Variants in HOOK3 observed in about 807,000 individuals in gnomAD.
HOOK3 encodes the protein protein Hook homolog 3.
In HOOK3, 24 loss-of-function variants were observed where a neutral mutation model predicts 116.3. That is an observed-to-expected ratio of 0.21 (90% confidence interval 0.15 to 0.29). The LOEUF (loss-of-function observed/expected upper bound fraction) is 0.29, where lower values mean the gene tolerates loss of function less well. HOOK3 is among the 10% of genes least tolerant of loss of function. HOOK3 has a pLI of 1.00. For missense variants in HOOK3, 632 were observed against 830.2 expected, an observed-to-expected ratio of 0.76 and a Z score of 2.93; for synonymous variants, 275 against 283.0, an observed-to-expected ratio of 0.97 and a Z score of 0.28.
rs989217114 is a variant in HOOK3, at chr8:42,969,817, ATTTCT to A, written c.1122+1607_1122+1611del. Among the ~76,000 whole-genome samples, 27 of 152,158 alleles carry A rather than the reference ATTTCT, an allele frequency of 1.8e-4. 1 individual carries two copies. Among genetic ancestry groups the A allele is most frequent in the African/African-American group, 6.3e-4 (26 of 41,524 alleles). ...TTTTACCCACTTAAAAAATTGAATC[ATTTCT>A]TTTACTGATTTCTAAAGGTTGTTTA... On this transcript the variant is annotated intron_variant, in intron 11 of 21. Transcript: ENST00000307602.
intron 18 of HOOK3, among the ~76,000 whole-genome samples, chr8:43,009,933 G>T (rs1042798729): frequency 1.3e-5 from 2 of 151,776 alleles, no homozygotes; most frequent in Non-Finnish European, 2.9e-5. Flanking sequence ...TTTTGTATCT[G>T]GTTTATTTCA....
chr8:42,932,094 TC>T (rs1218624383), intron 4 of HOOK3, among the ~76,000 whole-genome samples: 5 of 152,118 alleles, frequency 3.3e-5, no homozygotes, highest in African/African-American at 1.2e-4. Context: ...CCTCATGTAG[TC>T]ATTGGTACAT....
At chr8:42,939,081 T>C (rs1000021087) in intron 4 of HOOK3, among the ~76,000 whole-genome samples, 2 of 152,182 alleles carry the variant, frequency 1.3e-5, no homozygotes, top group Admixed American at 1.3e-4. Context: ...TTTTTCTTAG[T>C]ACAGAACAAA....
intron 4 of HOOK3, among the ~76,000 whole-genome samples, chr8:42,940,571 T>C (rs900114839): frequency 2.6e-5 from 4 of 152,116 alleles, no homozygotes; most frequent in Non-Finnish European, 4.4e-5. Context: ...ATGTTGAATA[T>C]TAGCTCCCAC....
chr8:42,973,962 T>C (rs1563304780), intron 12 of HOOK3, 145 bp from the exon 13 acceptor site: 2 of 668,500 alleles, frequency 3.0e-6, no homozygotes, highest in Non-Finnish European at 5.4e-6. Context: ...CTTTTCCTCC[T>C]TCTATGATCT....
chr8:42,900,730 T>C (rs1242846328), intron 1 of HOOK3, among the ~76,000 whole-genome samples: 1 of 152,264 alleles, frequency 6.6e-6, no homozygotes, highest in African/African-American at 2.4e-5. Context: ...AGTTTTGTTC[T>C]ATACTAACTG....
At chr8:42,987,178 CAAAA>C (rs1421070009) in intron 15 of HOOK3, among the ~76,000 whole-genome samples, 1 of 152,114 alleles carries the variant, frequency 6.6e-6, no homozygotes, top group Non-Finnish European at 1.5e-5. Context: ...AACAAACAAA[CAAAA>C]AAACCAACAA....
rs763910420 is a variant in HOOK3, at chr8:43,025,727, C to T, written c.*7229C>T. The stretch of plus-strand genomic sequence containing the variant: ...ATTTGATGAGATGAGAAGAAATCTG[C>T]GGTGGCTGAAAATCGTGACCAACTT... On this transcript the variant is annotated 3_prime_UTR_variant, in exon 22 of 22. Transcript: ENST00000307602. 4.7e-5 allele frequency: 10 copies of T among 214,690 alleles called. No homozygotes were observed. Among genetic ancestry groups the T allele is most frequent in the African/African-American group, 9.1e-5 (4 of 44,188 alleles). The allele number at this position is 214,690 out of a possible 1,614,324, so 13.3% of individuals were successfully genotyped here. A position where few individuals can be genotyped will look rare whatever the true frequency, so the allele number is the denominator to read the frequency against.
At chr8:43,007,820 T>G (rs376363218) in intron 17 of HOOK3, 27 bp from the exon 18 acceptor site, 28 of 1,402,100 alleles carry the variant, frequency 2.0e-5, no homozygotes, top group East Asian at 4.7e-5. Flanking sequence ...GAAGCAGTAG[T>G]AGGTGATGTT....
At chr8:42,907,949 C>A (rs997691884) in intron 2 of HOOK3, among the ~76,000 whole-genome samples, 1 of 151,490 alleles carries the variant, frequency 6.6e-6, no homozygotes, top group Non-Finnish European at 1.5e-5. Flanking sequence ...AACTATTAGA[C>A]CTGGTAAATG....
At chr8:42,979,456 T>G (rs11997992) in intron 13 of HOOK3, among the ~76,000 whole-genome samples, 1 of 152,130 alleles carries the variant, frequency 6.6e-6, no homozygotes, top group Non-Finnish European at 1.5e-5. Context: ...ACTCCTTTGT[T>G]ATCAGCTGGG....
intron 4 of HOOK3, among the ~76,000 whole-genome samples, chr8:42,940,450 T>C (rs1480901120): frequency 1.2e-4 from 18 of 152,064 alleles, no homozygotes; most frequent in Admixed American, 1.2e-3. Context: ...CAGCCTCGGC[T>C]CGGCATCAGA....
intron 19 of HOOK3, among the ~76,000 whole-genome samples, chr8:43,012,317 A>G (rs574874465): frequency 1.1e-4 from 16 of 152,364 alleles, no homozygotes; most frequent in African/African-American, 3.8e-4. Flanking sequence ...CCTGTACAGC[A>G]CATTACTGTA....
intron 6 of HOOK3, among the ~76,000 whole-genome samples, chr8:42,956,782 C>T (rs1226753715): frequency 6.6e-6 from 1 of 152,018 alleles, no homozygotes; most frequent in Non-Finnish European, 1.5e-5. Flanking sequence ...ATGGGTTTCT[C>T]CATGTTGGTC....
In HOOK3 at chr8:42,938,923, C is replaced by T. The variant is rs1055245930; in HGVS notation, c.268-4390C>T. Among the ~76,000 whole-genome samples, 37 of 152,100 alleles carry T rather than the reference C, an allele frequency of 2.4e-4. 1 individual carries two copies. The highest frequency in any genetic ancestry group is 8.2e-4 in the African/African-American group (34 of 41,466). ...ATTAGCGAGTGGTGATGACTCTTAA[C>T]GAGCATGCTGCCTTCAAGCATCTGT... On this transcript the variant is annotated intron_variant, in intron 4 of 21. Coordinates refer to ENST00000307602, the MANE Select transcript of HOOK3 (RefSeq NM_032410.4).
At chr8:42,941,740 C>T (rs1324963221) in intron 4 of HOOK3, among the ~76,000 whole-genome samples, 1 of 152,032 alleles carries the variant, frequency 6.6e-6, no homozygotes, top group Non-Finnish European at 1.5e-5. Context: ...ACATGCCTCC[C>T]CCATCCTGAC....
chr8:42,984,627 TGTG>T (rs1809015356), intron 14 of HOOK3, among the ~76,000 whole-genome samples: 1 of 152,080 alleles, frequency 6.6e-6, no homozygotes, highest in South Asian at 2.1e-4. Flanking sequence ...ATAGGCCAGG[TGTG>T]GTGGCTCACA....
At chr8:42,978,312 G>A (rs778836554) in intron 13 of HOOK3, among the ~76,000 whole-genome samples, 3 of 151,592 alleles carry the variant, frequency 2.0e-5, no homozygotes, top group Admixed American at 6.6e-5. Context: ...GCATGATCTC[G>A]GCCTTGCTGC....
chr8:42,930,276 G>A, intron 4 of HOOK3, 104 bp downstream of exon 4: 1 of 1,024,752 alleles, frequency 9.8e-7, no homozygotes, highest in Non-Finnish European at 1.3e-6. Flanking sequence ...TTAATAATCA[G>A]TTTGTCGTTC....
Sources: gnomAD v4.1 joint callset for allele counts (sites outside exome capture counted in the v4.1 genomes callset) on GRCh38, gnomAD v4.1.1 for gene constraint, MANE v1.5 for transcripts, NCBI Gene and HGNC (gene_info 2026-07-23, HGNC 2026-07-21) for gene names.